CSMD1: variants seen among roughly 807,000 people sequenced by gnomAD.
The protein encoded by CSMD1 is CUB and Sushi multiple domains 1, also known as CUB and sushi domain-containing protein 1.
In CSMD1, 213 loss-of-function variants were observed where a neutral mutation model predicts 417.5. The observed-to-expected ratio is 0.51, with a 90% CI of 0.46 to 0.57. The LOEUF (loss-of-function observed/expected upper bound fraction) is 0.57. CSMD1 is among the 20% of genes least tolerant of loss of function. The pLI, the probability that CSMD1 is intolerant of heterozygous loss-of-function variation, is 0.00. For synonymous variants in CSMD1, 2,862 were observed against 1,736.8 expected, an observed-to-expected ratio of 1.65 and a Z score of -16.11; for missense variants, 6,923 against 4,529.7, an observed-to-expected ratio of 1.53 and a Z score of -15.17.
Position 3,954,522 on chromosome 8 carries a change from A to T in CSMD1, c.818+43381T>A, listed in dbSNP as rs532766927. 2.9e-3 allele frequency among the ~76,000 whole-genome samples: 443 copies of T among 151,518 alleles called. 1 individual carries two copies. Among genetic ancestry groups the T allele is most frequent in the Non-Finnish European group, 4.8e-3 (328 of 67,908 alleles). Reference sequence around the variant, plus strand: ...GCTGGGATTACAGGCACCCACCACCACTCCCAGATAATTTTTTTGTATTTT... The same window carrying T: ...GCTGGGATTACAGGCACCCACCACCTCTCCCAGATAATTTTTTTGTATTTT... On this transcript the variant is annotated intron_variant, in intron 5 of 69. Coordinates refer to ENST00000635120, the MANE Select transcript of CSMD1 (RefSeq NM_033225.6).
At chr8:3,929,407 T>C (rs1809980910) in intron 5 of CSMD1, among the ~76,000 whole-genome samples, 1 of 150,390 alleles carries the variant, frequency 6.6e-6, no homozygotes, top group South Asian at 2.1e-4. Flanking sequence ...GACAATGTAA[T>C]TTCAACCTTC....
At chr8:4,114,459 G>A (rs773447248) in intron 3 of CSMD1, among the ~76,000 whole-genome samples, 7 of 152,176 alleles carry the variant, frequency 4.6e-5, no homozygotes, top group Non-Finnish European at 8.8e-5. Context: ...GGACAGAGAT[G>A]CTTAAAGAGA....
intron 37 of CSMD1, among the ~76,000 whole-genome samples, chr8:3,178,469 C>A (rs1334044879): frequency 6.6e-6 from 1 of 152,000 alleles, no homozygotes; most frequent in Non-Finnish European, 1.5e-5. Flanking sequence ...CTATACGTCA[C>A]CTTCCTGGTA....
chr8:4,263,961 A>G (rs1254638805), intron 3 of CSMD1, among the ~76,000 whole-genome samples: 1 of 152,206 alleles, frequency 6.6e-6, no homozygotes, highest in Non-Finnish European at 1.5e-5. Context: ...TTGTCATAGC[A>G]GAAGAATCAT....
chr8:4,334,704 T>A (rs1800069385), intron 3 of CSMD1, among the ~76,000 whole-genome samples: 1 of 152,154 alleles, frequency 6.6e-6, no homozygotes, highest in African/African-American at 2.4e-5. Flanking sequence ...ATTCTTACCA[T>A]GAAAAATAAT....
At chr8:3,528,092 G>T (rs17066328) in intron 10 of CSMD1, among the ~76,000 whole-genome samples, 4,698 of 152,250 alleles carry the variant, frequency 0.031, 245 homozygotes, top group East Asian at 0.23. Flanking sequence ...CACTGATACA[G>T]GGGGAAATGA....
chr8:3,030,434 T>C (rs1267785265), intron 50 of CSMD1, among the ~76,000 whole-genome samples: 3 of 151,958 alleles, frequency 2.0e-5, no homozygotes, highest in African/African-American at 7.2e-5. Flanking sequence ...GGAGAGACTA[T>C]AGCTATTTTC....
intron 3 of CSMD1, among the ~76,000 whole-genome samples, chr8:4,038,012 C>T (rs1197133568): frequency 6.6e-6 from 1 of 151,992 alleles, no homozygotes; most frequent in Non-Finnish European, 1.5e-5. Context: ...ACTTTATTCC[C>T]ACACTTGGTA....
intron 1 of CSMD1, among the ~76,000 whole-genome samples, chr8:4,766,431 C>T (rs898737814): frequency 3.3e-5 from 5 of 152,010 alleles, no homozygotes; most frequent in Non-Finnish European, 7.4e-5. Context: ...CCTTCGATCA[C>T]GAATATATAC....
intron 3 of CSMD1, among the ~76,000 whole-genome samples, chr8:4,150,431 T>C (rs1216046339): frequency 6.6e-6 from 1 of 152,242 alleles, no homozygotes; most frequent in African/African-American, 2.4e-5. Flanking sequence ...GGCAGGCTTT[T>C]GACAACTTCA....
At position 4,399,553 on chromosome 8, in the gene CSMD1, G is replaced by A. The variant is rs1252481629; in HGVS notation, c.415+20400C>T. On this transcript the variant is annotated intron_variant, in intron 3 of 69. Coordinates refer to ENST00000635120, the MANE Select transcript of CSMD1 (RefSeq NM_033225.6). ...CTCTCTGAATCCTGGCCACCTAACT[G>A]GCATAATCCCCCTTTTTTGTCTTTA... Among the ~76,000 whole-genome samples, 4 of 151,978 alleles carry A rather than the reference G, an allele frequency of 2.6e-5. No homozygotes were observed. In the East Asian group the frequency reaches 7.7e-4, roughly 29 times the overall value.
rs959761052 is a variant in CSMD1 at position 3,302,571 on chromosome 8, C to T, written c.3950+5124G>A. Among the ~76,000 whole-genome samples the T allele has an allele frequency of 9.2e-5, 14 of 152,230 alleles. 1 individual carries two copies. The highest frequency in any genetic ancestry group is 3.4e-4 in the African/African-American group (14 of 41,454). ...TTGCAATTCCCGTTTTTTAAGACATCAAGTGCACTGATCACTGGGAGCAAA... is the reference window on the plus strand; with the variant it reads ...TTGCAATTCCCGTTTTTTAAGACATTAAGTGCACTGATCACTGGGAGCAAA... On this transcript the variant is annotated intron_variant, in intron 25 of 69. Coordinates refer to ENST00000635120, the MANE Select transcript of CSMD1 (RefSeq NM_033225.6).
Position 4,447,494 on chromosome 8 carries a change from G to C in CSMD1, c.303-27429C>G, listed in dbSNP as rs185313693. Reference sequence around the variant, plus strand: ...CAGTAAACAAAATCTTTAAATCTAAGATGTGAATGTTCTTTGGAGAGGCTC... The same window carrying C: ...CAGTAAACAAAATCTTTAAATCTAACATGTGAATGTTCTTTGGAGAGGCTC... On this transcript the variant is annotated intron_variant, in intron 2 of 69. Transcript: ENST00000635120. Among the ~76,000 whole-genome samples the C allele has an allele frequency of 2.4e-3, 369 of 152,286 alleles. 2 individuals carry two copies. Among genetic ancestry groups the C allele is most frequent in the African/African-American group, 8.3e-3 (347 of 41,562 alleles).
intron 25 of CSMD1, among the ~76,000 whole-genome samples, chr8:3,299,559 C>G (rs1804233054): frequency 1.2e-5 from 1 of 80,864 alleles, no homozygotes; most frequent in Non-Finnish European, 2.7e-5. Context: ...GTCCCAAGGT[C>G]TGGCAGATAA....
chr8:3,620,872 T>C (rs1802390490), intron 7 of CSMD1, among the ~76,000 whole-genome samples: 1 of 152,204 alleles, frequency 6.6e-6, no homozygotes, highest in Non-Finnish European at 1.5e-5. Flanking sequence ...GGCTGAATTA[T>C]GTCCCTCCTC....
At chr8:3,669,789 G>A (rs541744045) in intron 7 of CSMD1, among the ~76,000 whole-genome samples, 4 of 152,182 alleles carry the variant, frequency 2.6e-5, no homozygotes, top group Middle Eastern at 6.8e-3. Flanking sequence ...AGCCCTCAGG[G>A]ATCCACGTGC....
chr8:4,018,861 C>G (rs1034722423), intron 4 of CSMD1, among the ~76,000 whole-genome samples: 2 of 152,202 alleles, frequency 1.3e-5, no homozygotes, highest in African/African-American at 4.8e-5. Flanking sequence ...GTGATGGAGT[C>G]TCATCTAAAC....
intron 1 of CSMD1, among the ~76,000 whole-genome samples, chr8:4,964,792 T>C (rs1809746589): frequency 6.6e-6 from 1 of 152,200 alleles, no homozygotes; most frequent in Non-Finnish European, 1.5e-5. Flanking sequence ...AAATTGTTCT[T>C]TTTATCGTCG....
intron 1 of CSMD1, among the ~76,000 whole-genome samples, chr8:4,714,544 G>T (rs562400670): frequency 3.9e-5 from 6 of 152,042 alleles, no homozygotes; most frequent in Non-Finnish European, 7.4e-5. Context: ...GATAGAGAAG[G>T]CCCAAAGAGA....
Sources: allele counts gnomAD v4.1 joint callset (sites outside exome capture counted in the v4.1 genomes callset), GRCh38; gene constraint gnomAD v4.1.1; transcripts MANE v1.5; gene names NCBI Gene and HGNC (gene_info 2026-07-23, HGNC 2026-07-21).